SCARA5: variants seen among roughly 807,000 people sequenced by gnomAD.
The protein encoded by SCARA5 is scavenger receptor class A member 5, also known as scavenger receptor class A, member 5 (putative).
Under a neutral mutation model 46.3 loss-of-function variants are expected in SCARA5, and 45 were observed. The observed-to-expected ratio is 0.97, with a 90% CI of 0.76 to 1.24. SCARA5 has a LOEUF of 1.24. Ranked by LOEUF, SCARA5 falls within the 50% of genes most tolerant of loss-of-function variation. SCARA5 has a pLI of 0.00. For missense variants in SCARA5, 680 were observed against 689.0 expected, an observed-to-expected ratio of 0.99 and a Z score of 0.15; for synonymous variants, 333 against 306.5, an observed-to-expected ratio of 1.09 and a Z score of -0.90.
chr8:27,926,526 A>G (rs1269899794), intron 3 of SCARA5, among the ~76,000 whole-genome samples: 8 of 152,176 alleles, frequency 5.3e-5, no homozygotes. Context: ...CAGCAAACCA[A>G]CATGGCACAT....
chr8:27,956,336 A>C (rs1808207483), intron 3 of SCARA5, among the ~76,000 whole-genome samples: 1 of 152,202 alleles, frequency 6.6e-6, no homozygotes, highest in African/African-American at 2.4e-5. Flanking sequence ...AAAAGGGACA[A>C]GGCCTGAGAT....
At chr8:27,873,668 T>TCAAC (rs1806678284) in intron 8 of SCARA5, among the ~76,000 whole-genome samples, 1 of 151,914 alleles carries the variant, frequency 6.6e-6, no homozygotes, top group South Asian at 2.1e-4. Context: ...TCAACCCGCC[T>TCAAC]GCACCCAGGT....
chr8:27,925,599 CCAAAAGCAATGGCAA>C (rs1381293368), intron 3 of SCARA5, among the ~76,000 whole-genome samples: 4 of 152,114 alleles, frequency 2.6e-5, no homozygotes, highest in Non-Finnish European at 5.9e-5. Flanking sequence ...GACTAAAACA[CCAAAAGCAATGGCAA>C]CAAAAGCCAA....
In SCARA5 at chr8:27,966,394, C is replaced by G; in HGVS notation, c.241+20G>C. 1 of 1,583,634 alleles carries G rather than the reference C, an allele frequency of 6.3e-7. No homozygotes were observed. Among genetic ancestry groups the G allele is most frequent in the Admixed American group, 1.9e-5 (1 of 52,604 alleles). Reference sequence around the variant, plus strand: ...CCTTCCTCATCCCAAAAGACCAGGACAAAAATGGCCTGCTCTTACCTGCTA... The same window carrying G: ...CCTTCCTCATCCCAAAAGACCAGGAGAAAAATGGCCTGCTCTTACCTGCTA... On this transcript the variant is annotated intron_variant, in intron 3 of 8. Transcript: ENST00000354914.
At chr8:27,898,424 C>T (rs967288460) in intron 7 of SCARA5, among the ~76,000 whole-genome samples, 5 of 152,146 alleles carry the variant, frequency 3.3e-5, no homozygotes, top group African/African-American at 4.8e-5. Context: ...AGAGGCTAAG[C>T]GACTAGCTTC....
At chr8:27,938,917 A>G (rs1807899654) in intron 3 of SCARA5, among the ~76,000 whole-genome samples, 1 of 152,238 alleles carries the variant, frequency 6.6e-6, no homozygotes, top group Non-Finnish European at 1.5e-5. Flanking sequence ...TCTAAACTTT[A>G]TGAAGAAAAA....
At chr8:27,904,596 CT>C in intron 7 of SCARA5, 181 bp downstream of exon 7, 2 of 694,042 alleles carry the variant, frequency 2.9e-6, no homozygotes, top group Non-Finnish European at 2.6e-6. Flanking sequence ...GCCAGTGCCC[CT>C]GGGGTCTATC....
intron 3 of SCARA5, among the ~76,000 whole-genome samples, chr8:27,945,819 G>A (rs1808027452): frequency 6.6e-6 from 1 of 152,168 alleles, no homozygotes; most frequent in African/African-American, 2.4e-5. Context: ...ATAATCAAAT[G>A]TATGGAAAGC....
intron 3 of SCARA5, among the ~76,000 whole-genome samples, chr8:27,928,832 G>A (rs1038661987): frequency 4.0e-5 from 6 of 151,776 alleles, no homozygotes; most frequent in Non-Finnish European, 5.9e-5. Flanking sequence ...CACCCGGCTA[G>A]TTTTTGTATT....
intron 3 of SCARA5, among the ~76,000 whole-genome samples, chr8:27,925,760 C>A (rs928247923): frequency 3.9e-5 from 6 of 152,092 alleles, no homozygotes; most frequent in African/African-American, 1.4e-4. Context: ...AGAAAAAAAA[C>A]AAACCACCCC....
At chr8:27,921,249 C>G (rs1159174969) in intron 4 of SCARA5, among the ~76,000 whole-genome samples, 11 of 152,226 alleles carry the variant, frequency 7.2e-5, no homozygotes. Flanking sequence ...CACACCCACG[C>G]AAGCTGACCA....
rs143157282 is a variant in SCARA5, at chr8:27,887,558, G to C, written c.1154-7792C>G. ...AAGAGCTATTCCTTACTAAAAACAA[G>C]GAGAGGCTGTTCTTGACAGCTTATT... On this transcript the variant is annotated intron_variant, in intron 7 of 8. Coordinates refer to ENST00000354914, the MANE Select transcript of SCARA5 (RefSeq NM_173833.6). Among the ~76,000 whole-genome samples, 102 of 152,252 alleles carry C rather than the reference G, an allele frequency of 6.7e-4. 1 individual carries two copies. The East Asian group carries it at 0.016, about 23-fold the overall frequency.
At chr8:27,892,673 G>A (rs951410893) in intron 7 of SCARA5, among the ~76,000 whole-genome samples, 2 of 148,308 alleles carry the variant, frequency 1.3e-5, no homozygotes, top group Non-Finnish European at 3.0e-5. Context: ...GCAGTGGTGC[G>A]ATCTTGGCTC....
chr8:27,986,184 CCTT>C (rs1157050699), intron 2 of SCARA5, among the ~76,000 whole-genome samples: 1 of 152,218 alleles, frequency 6.6e-6, no homozygotes, highest in Non-Finnish European at 1.5e-5. Flanking sequence ...GAACCCCAGG[CCTT>C]CTCCTCCGCC....
At chr8:27,905,757 C>T (rs1231824275) in intron 6 of SCARA5, among the ~76,000 whole-genome samples, 3 of 139,410 alleles carry the variant, frequency 2.2e-5, no homozygotes, top group East Asian at 2.1e-4. Flanking sequence ...CAGGCCCAGG[C>T]GGGAGTGCAG....
intron 3 of SCARA5, among the ~76,000 whole-genome samples, chr8:27,949,510 T>C (rs972402386): frequency 2.6e-5 from 4 of 152,046 alleles, no homozygotes; most frequent in African/African-American, 7.2e-5. Context: ...TTGGGTGAGG[T>C]TGGCAGCTAC....
intron 3 of SCARA5, among the ~76,000 whole-genome samples, chr8:27,958,169 C>T (rs17392666): frequency 0.035 from 5,292 of 152,266 alleles, 156 homozygotes; most frequent in Middle Eastern, 0.1. Context: ...TTGTCAGATT[C>T]GCAGGCAGTG....
chr8:27,880,846 C>A (rs1806799085), intron 7 of SCARA5, among the ~76,000 whole-genome samples: 1 of 108,670 alleles, frequency 9.2e-6, no homozygotes, highest in Non-Finnish European at 1.8e-5. Flanking sequence ...CAAAGCAAGA[C>A]CCTGTCTAAG....
chr8:27,874,585 T>C (rs1234552286), intron 8 of SCARA5, among the ~76,000 whole-genome samples: 1 of 152,262 alleles, frequency 6.6e-6, no homozygotes, highest in Non-Finnish European at 1.5e-5. Context: ...AGAGACCACC[T>C]GGCCCACAAA....
Sources: gnomAD v4.1 joint callset for allele counts (sites outside exome capture counted in the v4.1 genomes callset) on GRCh38, gnomAD v4.1.1 for gene constraint, MANE v1.5 for transcripts, NCBI Gene and HGNC (gene_info 2026-07-23, HGNC 2026-07-21) for gene names.